Variants in SCFD2 observed in about 807,000 individuals in gnomAD.
The protein encoded by SCFD2 is sec1 family domain containing 2.
A neutral mutation model predicts 58.9 loss-of-function variants in SCFD2; 54 were observed. That is an observed-to-expected ratio of 0.92 (90% CI 0.74 to 1.15). The LOEUF is 1.15. Ranked by LOEUF, SCFD2 falls within the 50% of genes most tolerant of loss-of-function variation. The pLI is 0.00. For synonymous variants in SCFD2, 321 were observed against 335.9 expected (o/e 0.96, Z 0.49); for missense variants, 805 against 836.6 (o/e 0.96, Z 0.47).
chr4:52,903,835 T>C (rs1175428969), intron 7 of SCFD2, among the ~76,000 whole-genome samples: 1 of 152,204 alleles, frequency 6.6e-6, no homozygotes, highest in African/African-American at 2.4e-5. Context: ...CCCACTAATG[T>C]GCAGTGAATC....
At chr4:52,998,304 C>T (rs1191688381) in intron 5 of SCFD2, among the ~76,000 whole-genome samples, 1 of 152,240 alleles carries the variant, frequency 6.6e-6, no homozygotes, top group Non-Finnish European at 1.5e-5. Context: ...GACATAGCCA[C>T]TGACCTCGCA....
At chr4:53,127,425 C>A (rs1034276186) in intron 5 of SCFD2, among the ~76,000 whole-genome samples, 1 of 152,148 alleles carries the variant, frequency 6.6e-6, no homozygotes, top group African/African-American at 2.4e-5. Flanking sequence ...CCACCCCAAC[C>A]CCCAGCACAA....
At chr4:53,043,570 G>A (rs753421274) in intron 5 of SCFD2, among the ~76,000 whole-genome samples, 5 of 152,076 alleles carry the variant, frequency 3.3e-5, no homozygotes, top group Non-Finnish European at 5.9e-5. Context: ...AACAAAACAC[G>A]AGGGTCAGAG....
At chr4:53,098,739 T>A (rs549488271) in intron 5 of SCFD2, among the ~76,000 whole-genome samples, 1 of 152,158 alleles carries the variant, frequency 6.6e-6, no homozygotes, top group East Asian at 1.9e-4. Flanking sequence ...TGCATGTGTG[T>A]GTGCACACAC....
At chr4:53,004,411 C>T (rs559302695) in intron 5 of SCFD2, among the ~76,000 whole-genome samples, 5 of 152,146 alleles carry the variant, frequency 3.3e-5, no homozygotes, top group Non-Finnish European at 5.9e-5. Flanking sequence ...GGCCAGACAC[C>T]CACTGCCATT....
chr4:53,301,569 G>C (rs1356238526), intron 3 of SCFD2, among the ~76,000 whole-genome samples: 1 of 152,046 alleles, frequency 6.6e-6, no homozygotes, highest in African/African-American at 2.4e-5. Flanking sequence ...CCAATCAATA[G>C]AAAAAGAGGG....
chr4:52,971,943 A>G (rs991091975), intron 5 of SCFD2, among the ~76,000 whole-genome samples: 1 of 152,186 alleles, frequency 6.6e-6, no homozygotes, highest in African/African-American at 2.4e-5. Context: ...GAGAAATAAA[A>G]TCCTTTATAG....
At chr4:53,072,583 GA>G (rs1165451180) in intron 5 of SCFD2, among the ~76,000 whole-genome samples, 3 of 152,118 alleles carry the variant, frequency 2.0e-5, no homozygotes, top group East Asian at 1.9e-4. Context: ...TTAGGGGGGG[GA>G]AAGCCAGGTT....
At chr4:53,290,548 T>A (rs1250746387) in intron 3 of SCFD2, among the ~76,000 whole-genome samples, 2 of 152,028 alleles carry the variant, frequency 1.3e-5, no homozygotes, top group Non-Finnish European at 2.9e-5. Context: ...CCTAACATTA[T>A]ACCTCAAGTA....
chr4:53,091,523 C>T (rs1246522361), intron 5 of SCFD2, among the ~76,000 whole-genome samples: 1 of 152,050 alleles, frequency 6.6e-6, no homozygotes, highest in East Asian at 1.9e-4. Context: ...TAGAAAATAA[C>T]ATATAAAATA....
intron 3 of SCFD2, among the ~76,000 whole-genome samples, chr4:53,299,478 A>C (rs534456747): frequency 1.6e-4 from 24 of 152,340 alleles, no homozygotes; most frequent in African/African-American, 5.5e-4. Context: ...TGATTGGTGT[A>C]CCTGAAAGTG....
At chr4:53,142,299 A>T (rs1023717818) in intron 5 of SCFD2, among the ~76,000 whole-genome samples, 2 of 152,198 alleles carry the variant, frequency 1.3e-5, no homozygotes, top group Non-Finnish European at 2.9e-5. Flanking sequence ...GTCTTTTAAG[A>T]TTATCCAAAC....
intron 5 of SCFD2, among the ~76,000 whole-genome samples, chr4:53,105,289 G>T (rs1293603426): frequency 1.3e-5 from 2 of 151,954 alleles, no homozygotes; most frequent in African/African-American, 4.8e-5. Context: ...CTAGCTTTAG[G>T]AGTTTTTTTT....
intron 7 of SCFD2, among the ~76,000 whole-genome samples, chr4:52,902,512 A>G (rs1436164490): frequency 2.0e-5 from 3 of 152,218 alleles, no homozygotes; most frequent in African/African-American, 7.2e-5. Flanking sequence ...TCACCCAACA[A>G]TTAGGCTTTG....
intron 5 of SCFD2, among the ~76,000 whole-genome samples, chr4:53,041,277 T>C (rs4864715): frequency 1.6e-4 from 24 of 152,046 alleles, no homozygotes; most frequent in Admixed American, 1.5e-3. Context: ...GGATGCTTGA[T>C]ACAGTTTCAC....
intron 4 of SCFD2, among the ~76,000 whole-genome samples, chr4:53,221,051 T>A (rs999877685): frequency 3.9e-5 from 6 of 152,148 alleles, no homozygotes; most frequent in Non-Finnish European, 7.3e-5. Flanking sequence ...AGCAGGAGTA[T>A]CAGGAGCAAC....
At chr4:53,293,476 A>G (rs1560431681) in intron 3 of SCFD2, among the ~76,000 whole-genome samples, 1 of 152,192 alleles carries the variant, frequency 6.6e-6, no homozygotes, top group Non-Finnish European at 1.5e-5. Context: ...AAATAAAATG[A>G]CATATGCAAA....
intron 4 of SCFD2, among the ~76,000 whole-genome samples, chr4:53,247,465 A>G (rs925231149): frequency 4.6e-5 from 7 of 152,248 alleles, no homozygotes; most frequent in Non-Finnish European, 8.8e-5. Flanking sequence ...TATTATTCAC[A>G]ATAGCAAAGA....
At position 53,000,919 on chromosome 4, in the gene SCFD2, C is replaced by T. The variant is rs557592549; in HGVS notation, c.1562-80049G>A. 1.8e-4 allele frequency among the ~76,000 whole-genome samples: 27 copies of T among 152,292 alleles called. No individual in the cohort carries two copies. In the East Asian group the frequency reaches 2.3e-3, roughly 13 times the overall value. On this transcript the variant is annotated intron_variant, in intron 5 of 8. Coordinates refer to ENST00000401642, the MANE Select transcript of SCFD2 (RefSeq NM_152540.4). ...CCACAGGCCTATACCAGTCCATGAC[C>T]CGGGGGTTTGGGGACCCCTGCTCTA...
Sources: gnomAD v4.1 joint callset for allele counts (sites outside exome capture counted in the v4.1 genomes callset) on GRCh38, gnomAD v4.1.1 for gene constraint, MANE v1.5 for transcripts, NCBI Gene and HGNC (gene_info 2026-07-23, HGNC 2026-07-21) for gene names.